The following TFCP2L1 variants were observed in gnomAD, a reference collection of about 807,000 sequenced individuals.
TFCP2L1 encodes transcription factor CP2-like protein 1.
Under a neutral mutation model 72.2 loss-of-function variants are expected in TFCP2L1, and 12 were observed. The ratio of observed to expected loss-of-function variants is 0.17; its 90% CI spans 0.11 to 0.27. The LOEUF (loss-of-function observed/expected upper bound fraction) is 0.27. Among genes scored for constraint, TFCP2L1 ranks in the 10% least tolerant of loss-of-function variants. TFCP2L1 has a pLI of 1.00. For missense variants in TFCP2L1, 488 were observed against 624.6 expected (o/e 0.78, Z 2.33); for synonymous variants, 260 against 251.0 (o/e 1.04, Z -0.34).
chr2:121,281,611 T>C (rs1369588315), intron 1 of TFCP2L1, among the ~76,000 whole-genome samples: 2 of 152,206 alleles, frequency 1.3e-5, no homozygotes, highest in Non-Finnish European at 2.9e-5. Context: ...AAGACATTTA[T>C]TTGGTTTCTA....
At chr2:121,249,802 A>C (rs2119021) in intron 2 of TFCP2L1, among the ~76,000 whole-genome samples, 155 bp from the exon 3 acceptor site, 73,822 of 152,112 alleles carry the variant, frequency 0.49, 18,482 homozygotes, top group Non-Finnish European at 0.56. Flanking sequence ...AGCTCAGCTC[A>C]CTCTCTGGAC....
rs140356485 is a variant in TFCP2L1 at position 121,246,891 on chromosome 2, G to A, written c.584C>T (p.Thr195Met). Residue 195 changes from threonine (T) to methionine (M), a missense_variant, in exon 6 of 15, where the codon ACG becomes ATG. By Grantham distance (81) the Thr-to-Met change is moderately conservative. Transcript: ENST00000263707. ...KGVPFRVQID[T>M]FKQNENGEYT... ...CTCCCCATTCTCGTTCTGCTTAAAC[G>A]TGTCAATCTGGACTCGAAAGGGCAC... 6.2e-7 allele frequency: 1 copy of A among 1,614,156 alleles called. No individual in the cohort carries two copies. Among genetic ancestry groups the A allele is most frequent in the Non-Finnish European group, 8.5e-7 (1 of 1,180,022 alleles).
intron 14 of TFCP2L1, 74 bp from the exon 15 acceptor site, chr2:121,224,461 G>A: frequency 6.6e-7 from 1 of 1,512,790 alleles, no homozygotes; most frequent in Admixed American, 1.8e-5. Flanking sequence ...AGTCCCAAAA[G>A]GCACGCTGTT....
chr2:121,239,746 G>A (rs1686326399), intron 7 of TFCP2L1, 97 bp from the exon 8 acceptor site: 14 of 1,199,828 alleles, frequency 1.2e-5, no homozygotes, highest in Non-Finnish European at 1.5e-5. Flanking sequence ...ACCAATGCAT[G>A]AGACCCCCAC....
chr2:121,263,005 A>AGCTCACCGCAACCCCCATCTCC (rs1686855766), intron 2 of TFCP2L1, among the ~76,000 whole-genome samples: 2 of 152,148 alleles, frequency 1.3e-5, no homozygotes, highest in Admixed American at 1.3e-4. Context: ...GCACAATCTC[A>AGCTCACCGCAACCCCCATCTCC]GCTCACCGCA....
intron 4 of TFCP2L1, 77 bp from the exon 5 acceptor site, chr2:121,248,347 G>A (rs954308005): frequency 1.9e-5 from 23 of 1,221,690 alleles, no homozygotes; most frequent in Admixed American, 1.4e-4. Flanking sequence ...CCCTGTTACA[G>A]GTCCCAATTC....
At position 121,220,479 on chromosome 2, in the gene TFCP2L1, C is replaced by T. The variant is rs1274300263; in HGVS notation, c.*3862G>A. 1 of 152,230 alleles carries T rather than the reference C, an allele frequency of 6.6e-6. No individual in the cohort carries two copies. The highest frequency in any genetic ancestry group is 1.5e-5 in the Non-Finnish European group (1 of 68,046). The allele number at this position is 152,230 out of a possible 1,614,324, so 9.4% of individuals were successfully genotyped here. A position where few individuals can be genotyped will look rare whatever the true frequency, so the allele number is the denominator to read the frequency against. Reference sequence around the variant, plus strand: ...AACCTTGCAGATACCCCGCAAAAACCGTGACGACCTAAGAGTAAGGAACTC... The same window carrying T: ...AACCTTGCAGATACCCCGCAAAAACTGTGACGACCTAAGAGTAAGGAACTC... On this transcript the variant is annotated 3_prime_UTR_variant, in exon 15 of 15. Transcript: ENST00000263707.
intron 1 of TFCP2L1, among the ~76,000 whole-genome samples, chr2:121,283,016 C>T (rs992629398): frequency 1.4e-4 from 22 of 152,184 alleles, no homozygotes; most frequent in Non-Finnish European, 1.6e-4. Context: ...GGGCACACTC[C>T]CAGCCCGGGT....
rs548142474 is a variant in TFCP2L1, at chr2:121,285,184, G to C, written c.-75C>G. ...CGGGGCGCGCCGAGGACCCAGCGGC[G>C]GCTTCGCGCTCCGAACCCGCGGTGC... is the stretch of plus-strand genomic sequence containing the variant. On this transcript the variant is annotated 5_prime_UTR_variant, in exon 1 of 15. Transcript: ENST00000263707. 22 of 1,287,508 alleles carry C rather than the reference G, an allele frequency of 1.7e-5. No homozygotes were observed. The highest frequency in any genetic ancestry group is 2.2e-5 in the Non-Finnish European group (22 of 1,006,866). 79.8% of individuals were successfully genotyped at this position (1,287,508 alleles called of 1,614,324 possible). A position where few individuals can be genotyped will look rare whatever the true frequency, so the allele number is the denominator to read the frequency against.
At position 121,285,138 on chromosome 2, in the gene TFCP2L1, G is replaced by C; in HGVS notation, c.-29C>G. 1.4e-6 allele frequency: 2 copies of C among 1,471,358 alleles called. No individual in the cohort carries two copies. Among genetic ancestry groups the C allele is most frequent in the East Asian group, 5.8e-5 (2 of 34,646 alleles). 91.1% of individuals were successfully genotyped at this position (1,471,358 alleles called of 1,614,324 possible). A position where few individuals can be genotyped will look rare whatever the true frequency, so the allele number is the denominator to read the frequency against. On this transcript the variant is annotated 5_prime_UTR_variant, in exon 1 of 15. Coordinates refer to ENST00000263707, the MANE Select transcript of TFCP2L1 (RefSeq NM_014553.3). Reference sequence around the variant, plus strand: ...TGGAACTCCCAGCGCGCCGACCGGGGCGCGGCAGCAAGCGCAGACGCGGGG... The same window carrying C: ...TGGAACTCCCAGCGCGCCGACCGGGCCGCGGCAGCAAGCGCAGACGCGGGG...
At chr2:121,231,713 A>C in intron 13 of TFCP2L1, 113 bp downstream of exon 13, 2 of 1,446,580 alleles carry the variant, frequency 1.4e-6, no homozygotes, top group Non-Finnish European at 1.9e-6. Context: ...GGTGGTGTGC[A>C]GATGAACCTG....
intron 10 of TFCP2L1, among the ~76,000 whole-genome samples, chr2:121,235,922 C>T (rs1423169319): frequency 1.3e-5 from 2 of 152,116 alleles, no homozygotes; most frequent in African/African-American, 4.8e-5. Flanking sequence ...GCCACCACCC[C>T]TACTCCCACC....
intron 6 of TFCP2L1, among the ~76,000 whole-genome samples, chr2:121,246,120 C>T (rs1686475610): frequency 6.6e-6 from 1 of 152,290 alleles, no homozygotes; most frequent in African/African-American, 2.4e-5. Flanking sequence ...GACTGTGGGG[C>T]TGGGGCCTGC....
chr2:121,247,001 G>A, intron 5 of TFCP2L1, 31 bp from the exon 6 acceptor site: 1 of 1,613,226 alleles, frequency 6.2e-7, no homozygotes, highest in Non-Finnish European at 8.5e-7. Flanking sequence ...CAGGTGGCAA[G>A]GAGGCACCAA....
At chr2:121,239,721 C>G in intron 7 of TFCP2L1, 72 bp from the exon 8 acceptor site, 2 of 1,410,734 alleles carry the variant, frequency 1.4e-6, no homozygotes, top group Non-Finnish European at 1.9e-6. Flanking sequence ...TCCTCCCAAG[C>G]AGGCATGCAC....
In TFCP2L1 at chr2:121,221,211, CAT is replaced by C. The variant is rs1220887954; in HGVS notation, c.*3128_*3129del. 6.6e-6 allele frequency: 1 copy of C among 152,186 alleles called. No individual in the cohort carries two copies. Among genetic ancestry groups the C allele is most frequent in the Non-Finnish European group, 1.5e-5 (1 of 68,052 alleles). 9.4% of individuals were successfully genotyped at this position (152,186 alleles called of 1,614,324 possible). On this transcript the variant is annotated 3_prime_UTR_variant, in exon 15 of 15. Coordinates refer to ENST00000263707, the MANE Select transcript of TFCP2L1 (RefSeq NM_014553.3). ...TAGGTGATTCAGTTTCCTCATGACTCATAACAGGAAATCATTGGTCTCAACCT... is the reference window on the plus strand; with the variant it reads ...TAGGTGATTCAGTTTCCTCATGACTCAACAGGAAATCATTGGTCTCAACCT...
intron 10 of TFCP2L1, among the ~76,000 whole-genome samples, chr2:121,236,973 T>G (rs577571182): frequency 6.6e-6 from 1 of 152,308 alleles, no homozygotes; most frequent in African/African-American, 2.4e-5. Flanking sequence ...CTCTCAGCAA[T>G]GCCGAGCTGA....
chr2:121,231,235 T>C (rs1260577470), intron 13 of TFCP2L1, among the ~76,000 whole-genome samples: 4 of 152,354 alleles, frequency 2.6e-5, no homozygotes, highest in Non-Finnish European at 5.9e-5. Flanking sequence ...CTTAAAAGCC[T>C]CTGTTCTACA....
intron 2 of TFCP2L1, among the ~76,000 whole-genome samples, chr2:121,274,652 T>C (rs1687110526): frequency 6.6e-6 from 1 of 152,172 alleles, no homozygotes; most frequent in South Asian, 2.1e-4. Flanking sequence ...CTTCAGCCTA[T>C]ACTTTAAAAT....
Sources: gnomAD v4.1 joint callset for allele counts (sites outside exome capture counted in the v4.1 genomes callset) on GRCh38, gnomAD v4.1.1 for gene constraint, MANE v1.5 for transcripts, NCBI Gene and HGNC (gene_info 2026-07-23, HGNC 2026-07-21) for gene names.